NCR3LG1: variants seen among roughly 807,000 people sequenced by gnomAD.
NCR3LG1 encodes natural cytotoxicity triggering receptor 3 ligand 1.
NCR3LG1 carries 35 observed loss-of-function variants against 34.8 expected under a neutral mutation model. The ratio of observed to expected loss-of-function variants is 1.01; its 90% confidence interval spans 0.77 to 1.33. NCR3LG1 has a LOEUF of 1.33. NCR3LG1 is among the 40% of genes most tolerant of loss of function. The pLI, the probability that NCR3LG1 is intolerant of heterozygous loss-of-function variation, is 0.00. For missense variants in NCR3LG1, 452 were observed against 423.3 expected (o/e 1.07, Z -0.60); for synonymous variants, 173 against 163.6 (o/e 1.06, Z -0.44).
At chr11:17,352,084 A>G in intron 1 of NCR3LG1, 45 bp downstream of exon 1, 1 of 1,368,332 alleles carries the variant, frequency 7.3e-7, no homozygotes, top group Admixed American at 2.4e-5. Context: ...TCCTGGCGCC[A>G]GAGGGTCCTC....
rs943367269 is a variant in NCR3LG1, at chr11:17,376,994, A to T, written c.*4482A>T. 7.9e-5 allele frequency: 12 copies of T among 152,106 alleles called. 1 individual carries two copies. The highest frequency in any genetic ancestry group is 1.6e-4 in the Non-Finnish European group (11 of 68,016). 9.4% of individuals were successfully genotyped at this position (152,106 alleles called of 1,614,324 possible). ...CCCTGACACATGGCACTATAATGTA[A>T]AAAACAACACATAGGCCTTCCCAGA... On this transcript the variant is annotated 3_prime_UTR_variant, in exon 5 of 5. Coordinates refer to ENST00000338965, the MANE Select transcript of NCR3LG1 (RefSeq NM_001202439.3).
chr11:17,358,248 G>C (rs887410833), intron 2 of NCR3LG1, among the ~76,000 whole-genome samples: 8 of 152,136 alleles, frequency 5.3e-5, no homozygotes, highest in East Asian at 3.9e-4. Flanking sequence ...TCCTTTTCCT[G>C]CTCCAGGATC....
At chr11:17,365,441 C>T (rs1953334579) in intron 2 of NCR3LG1, among the ~76,000 whole-genome samples, 1 of 152,138 alleles carries the variant, frequency 6.6e-6, no homozygotes, top group Admixed American at 6.5e-5. Context: ...AAATCTTATT[C>T]TTTTAGTGGC....
At chr11:17,379,754 AC>A (rs2133373454), downstream of NCR3LG1, among the ~76,000 whole-genome samples, 1 of 152,318 alleles carries the variant, frequency 6.6e-6, no homozygotes, top group Admixed American at 6.5e-5. Context: ...TTTAAATATT[AC>A]ATTAATATTT....
At position 17,356,675 on chromosome 11, in the gene NCR3LG1, CA is replaced by C. The variant is rs778271980; in HGVS notation, c.96del (p.Thr35LeufsTer6). 46 of 1,534,596 alleles carry C rather than the reference CA, an allele frequency of 3.0e-5. No individual in the cohort carries two copies. The highest frequency in any genetic ancestry group is 3.9e-5 in the Non-Finnish European group (45 of 1,145,968). On this transcript the variant is annotated frameshift_variant, in exon 2 of 5. Coordinates refer to ENST00000338965, the MANE Select transcript of NCR3LG1 (RefSeq NM_001202439.3). LOFTEE classifies it high-confidence loss of function. The stretch of plus-strand genomic sequence containing the variant: ...GGTGATCTGAAAGTAGAGATGATGG[CA>C]GGGGGGACTCAGATCACACCCCTGA... The part of the protein sequence containing the change: ...TEGDLKVEMM[A>X]GGTQITPLND...
chr11:17,370,412 A>G (rs781533710), intron 4 of NCR3LG1, among the ~76,000 whole-genome samples: 2 of 152,214 alleles, frequency 1.3e-5, no homozygotes, highest in Non-Finnish European at 2.9e-5. Context: ...AAGGGTGAGT[A>G]GGAGCGGACC....
chr11:17,377,670 C>A (rs951466021), downstream of NCR3LG1, among the ~76,000 whole-genome samples: 4 of 152,236 alleles, frequency 2.6e-5, no homozygotes, highest in African/African-American at 9.6e-5. Flanking sequence ...CTGTGTCTCT[C>A]ACAAGCTACA....
chr11:17,378,438 T>C (rs1953494817), downstream of NCR3LG1, among the ~76,000 whole-genome samples: 1 of 152,218 alleles, frequency 6.6e-6, no homozygotes, highest in Non-Finnish European at 1.5e-5. Flanking sequence ...TACTAATGTT[T>C]GGACTTTGTA....
At chr11:17,363,542 C>CCCTTCCTTCCTTCCTTCCTTCCTTCCTT (rs1227232391) in intron 2 of NCR3LG1, among the ~76,000 whole-genome samples, 28 of 54,662 alleles carry the variant, frequency 5.1e-4, no homozygotes, top group African/African-American at 1.4e-3. Flanking sequence ...CTCCCTCCCT[C>CCCTTCCTTCCTTCCTTCCTTCCTTCCTT]CCTTCCTTCC....
chr11:17,352,202 A>G (rs1280393720), intron 1 of NCR3LG1, among the ~76,000 whole-genome samples, 163 bp downstream of exon 1: 2 of 112,494 alleles, frequency 1.8e-5, no homozygotes, highest in African/African-American at 7.1e-5. Flanking sequence ...TTTTTTTGAG[A>G]CGGAGTCTCG....
chr11:17,351,869 C>G lies in NCR3LG1; in HGVS notation c.-101C>G. On this transcript the variant is annotated 5_prime_UTR_variant, in exon 1 of 5. Coordinates refer to ENST00000338965, the MANE Select transcript of NCR3LG1 (RefSeq NM_001202439.3). ...CGGCTGGAAATCCCGGCTGTGTCTC[C>G]GTCAACTCTTTACGCAACAGAGGTC... 8.7e-6 allele frequency: 8 copies of G among 921,528 alleles called. No individual in the cohort carries two copies. The South Asian group carries it at 1.1e-4, about 13-fold the overall frequency. The allele number at this position is 921,528 out of a possible 1,614,324, so 57.1% of individuals were successfully genotyped here. A position where few individuals can be genotyped will look rare whatever the true frequency, so the allele number is the denominator to read the frequency against.
chr11:17,352,371 G>A (rs1316680608), intron 1 of NCR3LG1, among the ~76,000 whole-genome samples: 1 of 151,938 alleles, frequency 6.6e-6, no homozygotes, highest in African/African-American at 2.4e-5. Flanking sequence ...TAGTAGAGAC[G>A]GGGTTTCACA....
At chr11:17,371,593 C>A (rs1291344194) in intron 4 of NCR3LG1, among the ~76,000 whole-genome samples, 1 of 152,192 alleles carries the variant, frequency 6.6e-6, no homozygotes, top group African/African-American at 2.4e-5. Flanking sequence ...GTTTAGAAAT[C>A]AATCAGTCTC....
Position 17,351,879 on chromosome 11 carries a change from T to G in NCR3LG1, c.-91T>G. On this transcript the variant is annotated 5_prime_UTR_variant, in exon 1 of 5. Transcript: ENST00000338965. ...TCCCGGCTGTGTCTCCGTCAACTCT[T>G]TACGCAACAGAGGTCTCCCCCTGCC... 9.8e-7 allele frequency: 1 copy of G among 1,018,552 alleles called. No individual in the cohort carries two copies. Among genetic ancestry groups the G allele is most frequent in the Admixed American group, 2.1e-5 (1 of 46,842 alleles). 63.1% of individuals were successfully genotyped at this position (1,018,552 alleles called of 1,614,324 possible).
rs1000633792 is a variant in NCR3LG1, at chr11:17,376,342, A to G, written c.*3830A>G. On this transcript the variant is annotated 3_prime_UTR_variant, in exon 5 of 5. Transcript: ENST00000338965. ...GGGCTCCCTAAGTACTTCCAAAACA[A>G]CAATGGTCCCTCATTTAAAGAAGCC... 6 of 152,198 alleles carry G rather than the reference A, an allele frequency of 3.9e-5. No homozygotes were observed. Among genetic ancestry groups the G allele is most frequent in the Admixed American group, 2.6e-4 (4 of 15,280 alleles). 9.4% of individuals were successfully genotyped at this position (152,198 alleles called of 1,614,324 possible).
intron 2 of NCR3LG1, among the ~76,000 whole-genome samples, chr11:17,359,438 AT>A (rs1211547409): frequency 6.6e-6 from 1 of 151,580 alleles, no homozygotes; most frequent in Non-Finnish European, 1.5e-5. Context: ...TGAATTAATT[AT>A]TAACCTGTAC....
At chr11:17,366,614 C>G (rs115152609) in intron 2 of NCR3LG1, among the ~76,000 whole-genome samples, 2 of 152,344 alleles carry the variant, frequency 1.3e-5, no homozygotes, top group South Asian at 2.1e-4. Flanking sequence ...TAAGAAAACT[C>G]TGCTTTACAA....
rs1953481507 is a variant in NCR3LG1, at chr11:17,376,798, CAA to C, written c.*4288_*4289del. 6.6e-6 allele frequency: 1 copy of C among 152,132 alleles called. No homozygotes were observed. Among genetic ancestry groups the C allele is most frequent in the Non-Finnish European group, 1.5e-5 (1 of 68,026 alleles). The allele number at this position is 152,132 out of a possible 1,614,324, so 9.4% of individuals were successfully genotyped here. On this transcript the variant is annotated 3_prime_UTR_variant, in exon 5 of 5. Coordinates refer to ENST00000338965, the MANE Select transcript of NCR3LG1 (RefSeq NM_001202439.3). ...GAAAAGGACCATACCTGGGAGATCT[CAA>C]ATATTATAACACCATACTTGTAATT... is the stretch of plus-strand genomic sequence containing the variant.
intron 2 of NCR3LG1, among the ~76,000 whole-genome samples, chr11:17,358,334 T>C (rs577529852): frequency 6.6e-6 from 1 of 152,346 alleles, no homozygotes; most frequent in African/African-American, 2.4e-5. Flanking sequence ...TCTTAGACCT[T>C]ATTTTTGATG....
Sources: allele counts gnomAD v4.1 joint callset (sites outside exome capture counted in the v4.1 genomes callset), GRCh38; gene constraint gnomAD v4.1.1; transcripts MANE v1.5; gene names NCBI Gene and HGNC (gene_info 2026-07-23, HGNC 2026-07-21).